Variants in CPT1C observed in about 807,000 individuals in gnomAD.
CPT1C encodes the protein carnitine palmitoyltransferase 1C, also known as palmitoyl thioesterase CPT1C.
CPT1C carries 61 observed loss-of-function variants against 97.3 expected under a neutral mutation model. The ratio of observed to expected loss-of-function variants is 0.63; its 90% CI spans 0.51 to 0.78. CPT1C has a LOEUF of 0.78. CPT1C is among the 30% of genes least tolerant of loss of function. CPT1C has a pLI of 0.00. For synonymous variants in CPT1C, 469 were observed against 447.2 expected, an observed-to-expected ratio of 1.05 and a Z score of -0.61; for missense variants, 975 against 1,065.5, an observed-to-expected ratio of 0.92 and a Z score of 1.18.
intron 7 of CPT1C, among the ~76,000 whole-genome samples, chr19:49,702,064 T>TTATTTATAAATTATAAATAAATATA (rs2083167460): frequency 1.0e-5 from 1 of 96,368 alleles, no homozygotes; most frequent in African/African-American, 4.1e-5. Flanking sequence ...AAATATATAT[T>TTATTTATAAATTATAAATAAATATA]TATTTATAAA....
At chr19:49,699,822 C>T (rs762604187) in intron 4 of CPT1C, among the ~76,000 whole-genome samples, 21 of 151,738 alleles carry the variant, frequency 1.4e-4, no homozygotes, top group East Asian at 3.9e-4. Context: ...GGCGTGGTGG[C>T]GGGCGCCTGC....
In CPT1C at chr19:49,697,384, G is replaced by A. The variant is rs151219989; in HGVS notation, c.200G>A (p.Ser67Asn). The A allele has an allele frequency of 3.6e-4, 578 of 1,613,996 alleles. 1 individual carries two copies. The highest frequency in any genetic ancestry group is 4.6e-4 in the Non-Finnish European group (539 of 1,180,016). ...CCCCTCAGTTGGCTTTTCCTCTTCA[G>A]TGCCATCCAGCTTGCCTGGTTCCTC... ...ASPLSWLFLFSAIQLAWFLQL... is the reference protein window; with the variant it reads ...ASPLSWLFLFNAIQLAWFLQL... Residue 67 changes from serine (S) to asparagine (N), a missense_variant, in exon 4 of 20, where the codon AGT becomes AAT. Physicochemically the swap from Ser to Asn is conservative, Grantham distance 46. Around this residue, in one of 3 missense-constraint regions of CPT1C, gnomAD observed 596 missense variants for 603.1 expected, o/e 0.99. Coordinates refer to ENST00000598293, the MANE Select transcript of CPT1C (RefSeq NM_001199753.2).
At chr19:49,710,128 G>A (rs1319240362) in intron 14 of CPT1C, among the ~76,000 whole-genome samples, 192 bp from the exon 15 acceptor site, 2 of 152,098 alleles carry the variant, frequency 1.3e-5, no homozygotes, top group Admixed American at 6.6e-5. Context: ...GATTACAGGC[G>A]TGCGCCACCA....
At chr19:49,700,637 T>G (rs768972154) in intron 4 of CPT1C, 47 bp from the exon 5 acceptor site, 7 of 1,589,152 alleles carry the variant, frequency 4.4e-6, no homozygotes, top group South Asian at 1.1e-5. Flanking sequence ...GGAGGGAGGT[T>G]CTGAGGCCAG....
At chr19:49,694,249 T>C (rs1265952660) in intron 3 of CPT1C, among the ~76,000 whole-genome samples, 2 of 152,054 alleles carry the variant, frequency 1.3e-5, no homozygotes, top group Admixed American at 6.6e-5. Context: ...TGACATTCTA[T>C]AGTGTCATCT....
In CPT1C at chr19:49,693,768, A is replaced by G. The variant is rs1482191729; in HGVS notation, c.141+1375A>G. 2.0e-5 allele frequency among the ~76,000 whole-genome samples: 3 copies of G among 152,270 alleles called. No homozygotes were observed. The East Asian group carries it at 5.8e-4, about 29-fold the overall frequency. On this transcript the variant is annotated intron_variant, in intron 3 of 19. Coordinates refer to ENST00000598293, the MANE Select transcript of CPT1C (RefSeq NM_001199753.2). ...GGGAGACCCCATCTCTATTAAAAAAATAAAGACAGGTCGGGCACGGTGGCT... is the reference window on the plus strand; with the variant it reads ...GGGAGACCCCATCTCTATTAAAAAAGTAAAGACAGGTCGGGCACGGTGGCT...
Position 49,699,411 on chromosome 19 carries a change from C to G in CPT1C, c.282-1273C>G, listed in dbSNP as rs1174332330. Among the ~76,000 whole-genome samples the G allele has an allele frequency of 2.5e-5, 3 of 121,924 alleles. No individual in the cohort carries two copies. In the Admixed American group the frequency reaches 3.3e-4, roughly 13 times the overall value. 80.0% of individuals were successfully genotyped at this position (121,924 alleles called of 152,430 possible). On this transcript the variant is annotated intron_variant, in intron 4 of 19. Coordinates refer to ENST00000598293, the MANE Select transcript of CPT1C (RefSeq NM_001199753.2). ...GGAGGGCTGAGGCAGGAGGCTTGAG[C>G]TCAGGAGTTGGAGACCAGCCTGGGC...
At position 49,706,324 on chromosome 19, in the gene CPT1C, T is replaced by G. The variant is rs747744144; in HGVS notation, c.1254T>G (p.Asp418Glu). The G allele has an allele frequency of 5.3e-6, 8 of 1,523,464 alleles. No homozygotes were observed. In the Admixed American group the frequency reaches 1.9e-4, roughly 37 times the overall value. The allele number at this position is 1,523,464 out of a possible 1,614,324, so 94.4% of individuals were successfully genotyped here. ...GGGCCGCTTTCTTTGTGTCACTGGA[T>G]GCTGAGCCCGCGGGGCTCACCAGGG... ...VEGAAFFVSLDAEPAGLTRED... is the reference protein window; with the variant it reads ...VEGAAFFVSLEAEPAGLTRED... Residue 418 changes from aspartate to glutamate, a missense_variant, in exon 12 of 20, where the codon GAT becomes GAG. This residue lies in a region of CPT1C where 596 missense variants were observed against 603.1 expected (regional missense o/e 0.99). Transcript: ENST00000598293. This position sits in a 1 kb window ranked among gnomAD's most constrained non-coding sequence, Gnocchi z 4.8.
In CPT1C at chr19:49,700,704, T is replaced by TC. The variant is rs1290390136; in HGVS notation, c.304dup (p.Arg102ProfsTer37). 3 of 1,610,054 alleles carry TC rather than the reference T, an allele frequency of 1.9e-6. No individual in the cohort carries two copies. Among genetic ancestry groups the TC allele is most frequent in the South Asian group, 2.2e-5 (2 of 91,078 alleles). On this transcript the variant is annotated frameshift_variant, in exon 5 of 20. Coordinates refer to ENST00000598293, the MANE Select transcript of CPT1C (RefSeq NM_001199753.2). LOFTEE classifies it high-confidence loss of function. ...CGCAGGGGTGGACAACACCACGGGC[T>TC]CCGGGGGGTCCTGGCAGCCGCGCTG...
chr19:49,701,292 T>A, intron 5 of CPT1C, 25 bp from the exon 6 acceptor site: 1 of 1,598,118 alleles, frequency 6.3e-7, no homozygotes, highest in South Asian at 1.1e-5. Flanking sequence ...GAGGGGTTAA[T>A]GACCCGGTAA....
rs1568501644 is a variant in CPT1C, at chr19:49,694,092, AAATAAATAAATAAAT to A, written c.141+1702_141+1716del. 1.3e-4 allele frequency among the ~76,000 whole-genome samples: 8 copies of A among 62,586 alleles called. No individual in the cohort carries two copies. The African/African-American group carries it at 1.9e-3, about 15-fold the overall frequency. 41.1% of individuals were successfully genotyped at this position (62,586 alleles called of 152,430 possible). A position where few individuals can be genotyped will look rare whatever the true frequency, so the allele number is the denominator to read the frequency against. On this transcript the variant is annotated intron_variant, in intron 3 of 19. Transcript: ENST00000598293. ...AAAAAAATAAAATAAAATAAAAAATAAATAAATAAATAAATAAATAAATAAATAAATAATAAAGAC... is the reference window on the plus strand; with the variant it reads ...AAAAAAATAAAATAAAATAAAAAATAAAATAAATAAATAAATAATAAAGAC...
chr19:49,693,238 G>A (rs560804789), intron 3 of CPT1C, among the ~76,000 whole-genome samples: 2 of 152,222 alleles, frequency 1.3e-5, no homozygotes, highest in African/African-American at 4.8e-5. Flanking sequence ...CAGCACCCAT[G>A]TCTGTCCCAG....
At chr19:49,698,049 CAAA>C (rs748082031) in intron 4 of CPT1C, 14 of 49,484 alleles carry the variant, frequency 2.8e-4, no homozygotes, top group Middle Eastern at 0.011. Context: ...AACTCCATCT[CAAA>C]AAAAAAAAAA....
intron 14 of CPT1C, among the ~76,000 whole-genome samples, chr19:49,710,090 C>T (rs897795245): frequency 2.6e-5 from 4 of 152,122 alleles, no homozygotes; most frequent in South Asian, 4.1e-4. Flanking sequence ...TCAGGTGATC[C>T]GCCCGCCTCG....
rs774159669 is a variant in CPT1C, at chr19:49,706,340, C to A, written c.1270C>A (p.Leu424Ile). 5.3e-6 allele frequency: 8 copies of A among 1,523,342 alleles called. No homozygotes were observed. In the South Asian group the frequency reaches 8.9e-5, roughly 17 times the overall value. 94.4% of individuals were successfully genotyped at this position (1,523,342 alleles called of 1,614,324 possible). A position where few individuals can be genotyped will look rare whatever the true frequency, so the allele number is the denominator to read the frequency against. ...FVSLDAEPAG[L>I]TREDPAASLD... is the part of the protein sequence containing the mutation. Reference sequence around the variant, plus strand: ...GTCACTGGATGCTGAGCCCGCGGGGCTCACCAGGGAGGACCCGGCAGCGTC... The same window carrying A: ...GTCACTGGATGCTGAGCCCGCGGGGATCACCAGGGAGGACCCGGCAGCGTC... The change falls in exon 12 of 20, where the codon CTC (leucine) becomes ATC (isoleucine). Residue 424 changes from leucine (L) to isoleucine (I), a missense_variant. By Grantham distance (5) the Leu-to-Ile change is conservative. This residue lies in a region of CPT1C where 596 missense variants were observed against 603.1 expected (regional missense o/e 0.99). Transcript: ENST00000598293. This position sits in a 1 kb window ranked among gnomAD's most constrained non-coding sequence, Gnocchi z 4.8.
intron 7 of CPT1C, among the ~76,000 whole-genome samples, chr19:49,701,895 T>A (rs1295513055): frequency 2.6e-5 from 3 of 114,310 alleles, no homozygotes; most frequent in Non-Finnish European, 5.1e-5. Flanking sequence ...TATATTTATT[T>A]ATAAATATAT....
rs2082334754 is a variant in CPT1C, at chr19:49,691,353, C to A, written c.-84+13C>A. On this transcript the variant is annotated intron_variant, in intron 1 of 19. Coordinates refer to ENST00000598293, the MANE Select transcript of CPT1C (RefSeq NM_001199753.2). Reference sequence around the variant, plus strand: ...TTGATTCAACGTGGTAAGTACTGGACCCCAGGGGCTCGGGCTCCGGCGGGG... The same window carrying A: ...TTGATTCAACGTGGTAAGTACTGGAACCCAGGGGCTCGGGCTCCGGCGGGG... The A allele has an allele frequency of 6.6e-6, 1 of 151,498 alleles. No homozygotes were observed. 9.4% of individuals were successfully genotyped at this position (151,498 alleles called of 1,614,324 possible).
chr19:49,695,256 A>G (rs1313450353), intron 3 of CPT1C, among the ~76,000 whole-genome samples: 1 of 151,416 alleles, frequency 6.6e-6, no homozygotes, highest in Non-Finnish European at 1.5e-5. Context: ...ATATGATAAC[A>G]TTACATGGAG....
intron 2 of CPT1C, 146 bp downstream of exon 2, chr19:49,692,035 C>A: frequency 1.9e-6 from 1 of 532,100 alleles, no homozygotes; most frequent in East Asian, 3.2e-5. Context: ...GCCTGGACTC[C>A]TGGATCTGAG....
Sources: allele counts gnomAD v4.1 joint callset (sites outside exome capture counted in the v4.1 genomes callset), GRCh38; gene constraint gnomAD v4.1.1; regional missense constraint gnomAD v4.1.1; non-coding constraint Gnocchi (gnomAD v3.1); transcripts MANE v1.5; gene names NCBI Gene and HGNC (gene_info 2026-07-23, HGNC 2026-07-21).